The following SLC35A3 variants were observed in gnomAD, a reference collection of about 807,000 sequenced individuals.
SLC35A3 encodes solute carrier family 35 member A3.
SLC35A3 carries 26 observed loss-of-function variants against 39.0 expected under a neutral mutation model. That is an observed-to-expected ratio of 0.67 (90% CI 0.49 to 0.92). SLC35A3 has a LOEUF of 0.92. SLC35A3 is among the 40% of genes least tolerant of loss of function. The pLI is 0.00. For synonymous variants in SLC35A3, 135 were observed against 133.1 expected, an observed-to-expected ratio of 1.01 and a Z score of -0.10; for missense variants, 299 against 371.6, an observed-to-expected ratio of 0.80 and a Z score of 1.61.
intron 2 of SLC35A3, among the ~76,000 whole-genome samples, chr1:99,995,697 A>G (rs1177883611): frequency 1.3e-5 from 2 of 152,198 alleles, no homozygotes; most frequent in Admixed American, 1.3e-4. Flanking sequence ...GATGTCAAAT[A>G]GTAGAGTCTA....
chr1:99,989,969 C>G (rs542696953), intron 1 of SLC35A3, among the ~76,000 whole-genome samples: 17 of 152,080 alleles, frequency 1.1e-4, no homozygotes, highest in African/African-American at 4.1e-4. Flanking sequence ...GTTGTCCAAG[C>G]TGGTCTTGAA....
intron 2 of SLC35A3, among the ~76,000 whole-genome samples, chr1:99,995,423 G>T (rs1400214517): frequency 1.3e-5 from 2 of 152,030 alleles, no homozygotes; most frequent in African/African-American, 4.8e-5. Context: ...AAAGTGCTGG[G>T]ATTACAGGAG....
rs1659062688 is a variant in SLC35A3 at position 100,029,996 on chromosome 1, A to C, written c.*7520A>C. On this transcript the variant is annotated 3_prime_UTR_variant, in exon 8 of 8. Transcript: ENST00000533028. Reference sequence around the variant, plus strand: ...AAACCTTTTACCTGTACTGCATATTAATAAACAATTTTGAACTAATTTTAA... The same window carrying C: ...AAACCTTTTACCTGTACTGCATATTCATAAACAATTTTGAACTAATTTTAA... 1.3e-5 allele frequency: 2 copies of C among 152,180 alleles called. No homozygotes were observed. Among genetic ancestry groups the C allele is most frequent in the Middle Eastern group, 3.2e-3 (1 of 316 alleles). 9.4% of individuals were successfully genotyped at this position (152,180 alleles called of 1,614,324 possible).
At position 99,993,772 on chromosome 1, in the gene SLC35A3, A is replaced by G. The variant is rs182877820; in HGVS notation, c.187+31A>G. Reference sequence around the variant, plus strand: ...TATCTAGGTTTTTTGTTTTTAATCAATGCAATTTATTTAGTTTGCATATAT... The same window carrying G: ...TATCTAGGTTTTTTGTTTTTAATCAGTGCAATTTATTTAGTTTGCATATAT... On this transcript the variant is annotated intron_variant, in intron 2 of 7. Coordinates refer to ENST00000533028, the MANE Select transcript of SLC35A3 (RefSeq NM_012243.3). 184 of 1,588,190 alleles carry G rather than the reference A, an allele frequency of 1.2e-4. 2 individuals are homozygous for G. The highest frequency in any genetic ancestry group is 2.9e-4 in the South Asian group (26 of 88,998).
chr1:100,017,346 T>C (rs1660223478), intron 6 of SLC35A3, among the ~76,000 whole-genome samples: 1 of 152,214 alleles, frequency 6.6e-6, no homozygotes, highest in Admixed American at 6.5e-5. Context: ...ATTTCACTAT[T>C]TAAAGTGACC....
chr1:99,995,110 T>TTCTC (rs1491359838), intron 2 of SLC35A3, among the ~76,000 whole-genome samples: 1 of 77,402 alleles, frequency 1.3e-5, no homozygotes, highest in East Asian at 3.6e-4. Context: ...TGTATTTTCT[T>TTCTC]TCTTTCTTTC....
chr1:99,997,410 T>TATATATATATATATATATATATA (rs1658469252), intron 2 of SLC35A3, among the ~76,000 whole-genome samples: 1 of 92,104 alleles, frequency 1.1e-5, no homozygotes, highest in Non-Finnish European at 2.0e-5. Context: ...ATATATAGTT[T>TATATATATATATATATATATATA]TATATATATA....
In SLC35A3 at chr1:100,027,192, C is replaced by T; in HGVS notation, c.*4716C>T. On this transcript the variant is annotated 3_prime_UTR_variant, in exon 8 of 8. Transcript: ENST00000533028. ...GTTGGCCAGGTGCAGTGGCTCATTC[C>T]TGTAATCCCAACACTTTAGGAAGCC... 1 of 398,616 alleles carries T rather than the reference C, an allele frequency of 2.5e-6. No homozygotes were observed. The highest frequency in any genetic ancestry group is 4.4e-6 in the Non-Finnish European group (1 of 226,068). 24.7% of individuals were successfully genotyped at this position (398,616 alleles called of 1,614,324 possible).
intron 2 of SLC35A3, among the ~76,000 whole-genome samples, chr1:99,996,135 A>C (rs140783838): frequency 6.0e-4 from 92 of 152,356 alleles, no homozygotes; most frequent in African/African-American, 2.2e-3. Flanking sequence ...TTTAAAAAGC[A>C]AAACTTTATG....
At chr1:99,971,650 AC>A (rs1282772304) in intron 1 of SLC35A3, among the ~76,000 whole-genome samples, 2 of 152,184 alleles carry the variant, frequency 1.3e-5, no homozygotes, top group African/African-American at 4.8e-5. Context: ...AACAAGTATT[AC>A]TTTTTTCCAC....
At chr1:100,008,731 T>A (rs1251356002) in intron 4 of SLC35A3, 1 of 152,250 alleles carries the variant, frequency 6.6e-6, no homozygotes, top group Admixed American at 6.5e-5. Flanking sequence ...CCAGAATATC[T>A]TCCTAACATC....
Position 100,027,237 on chromosome 1 carries a change from A to G in SLC35A3, c.*4761A>G, listed in dbSNP as rs1660960302. ...GAAGCCAAGGCAGAAGAATCGCTTG[A>G]GCCCATGAATTTGAGGCCAGCCTGG... is the stretch of plus-strand genomic sequence containing the variant. On this transcript the variant is annotated 3_prime_UTR_variant, in exon 8 of 8. Transcript: ENST00000533028. 1 of 398,452 alleles carries G rather than the reference A, an allele frequency of 2.5e-6. No individual in the cohort carries two copies. The highest frequency in any genetic ancestry group is 4.4e-6 in the Non-Finnish European group (1 of 226,060). 24.7% of individuals were successfully genotyped at this position (398,452 alleles called of 1,614,324 possible). A position where few individuals can be genotyped will look rare whatever the true frequency, so the allele number is the denominator to read the frequency against.
At chr1:100,007,297 A>C in intron 4 of SLC35A3, 141 bp downstream of exon 4, 1 of 694,098 alleles carries the variant, frequency 1.4e-6, no homozygotes, top group Non-Finnish European at 2.4e-6. Flanking sequence ...TTTTGAGGGC[A>C]TCCTTTATGT....
In SLC35A3 at chr1:100,032,639, G is replaced by A. The variant is rs1472946019; in HGVS notation, c.*10163G>A. 2 of 152,076 alleles carry A rather than the reference G, an allele frequency of 1.3e-5. No individual in the cohort carries two copies. Among genetic ancestry groups the A allele is most frequent in the African/African-American group, 2.4e-5 (1 of 41,406 alleles). The allele number at this position is 152,076 out of a possible 1,614,324, so 9.4% of individuals were successfully genotyped here. Reference sequence around the variant, plus strand: ...CGGCTCACTGCAACCTCCACCCTCCGGGTTCAAATGATTCTCCTTCCTCAG... The same window carrying A: ...CGGCTCACTGCAACCTCCACCCTCCAGGTTCAAATGATTCTCCTTCCTCAG... On this transcript the variant is annotated 3_prime_UTR_variant, in exon 8 of 8. Transcript: ENST00000533028.
chr1:99,970,982 T>C (rs1206469523), intron 1 of SLC35A3, among the ~76,000 whole-genome samples: 1 of 152,182 alleles, frequency 6.6e-6, no homozygotes, highest in African/African-American at 2.4e-5. Context: ...AGTTCTCCCC[T>C]TTTTCATTCC....
chr1:100,010,898 T>A (rs2101360350), intron 4 of SLC35A3, among the ~76,000 whole-genome samples: 1 of 152,284 alleles, frequency 6.6e-6, no homozygotes, highest in East Asian at 1.9e-4. Context: ...CTTCCCTGTC[T>A]GATGGACTGT....
chr1:99,980,030 C>T (rs533628592), intron 1 of SLC35A3, among the ~76,000 whole-genome samples: 30 of 151,334 alleles, frequency 2.0e-4, no homozygotes, highest in African/African-American at 7.1e-4. Flanking sequence ...GGCAACAGAG[C>T]AAGACTCTGT....
chr1:99,993,426 G>A (rs958788947), intron 1 of SLC35A3, 111 bp from the exon 2 acceptor site: 2 of 771,346 alleles, frequency 2.6e-6, no homozygotes, highest in Admixed American at 3.1e-5. Flanking sequence ...TTGGTGGCAG[G>A]TGGAGGAGAG....
At chr1:100,000,481 A>G (rs1244580033) in intron 3 of SLC35A3, among the ~76,000 whole-genome samples, 1 of 152,050 alleles carries the variant, frequency 6.6e-6, no homozygotes, top group Non-Finnish European at 1.5e-5. Flanking sequence ...GTTTCTTGTC[A>G]CATGATTAGT....
Sources: gnomAD v4.1 joint callset for allele counts (sites outside exome capture counted in the v4.1 genomes callset) on GRCh38, gnomAD v4.1.1 for gene constraint, MANE v1.5 for transcripts, NCBI Gene and HGNC (gene_info 2026-07-23, HGNC 2026-07-21) for gene names.